PHIP: variants seen among roughly 807,000 people sequenced by gnomAD.
PHIP encodes PH-interacting protein.
Under a neutral mutation model 236.8 loss-of-function variants are expected in PHIP, and 54 were observed. The observed-to-expected ratio is 0.23, with a 90% CI of 0.18 to 0.29. The LOEUF is 0.29. PHIP is among the 10% of genes least tolerant of loss of function. The pLI, the probability that PHIP is intolerant of heterozygous loss-of-function variation, is 1.00. For missense variants in PHIP, 1,370 were observed against 2,190.8 expected (o/e 0.63, Z 7.48); for synonymous variants, 756 against 718.9 (o/e 1.05, Z -0.83).
chr6:78,941,366 T>G, intron 39 of PHIP, 36 bp from the exon 40 acceptor site: 1 of 1,525,700 alleles, frequency 6.6e-7, no homozygotes, highest in Non-Finnish European at 8.9e-7. Context: ...ATATATGGAG[T>G]TTCTTTTTTT....
chr6:79,029,954 T>C (rs1045038080), intron 7 of PHIP, among the ~76,000 whole-genome samples: 1 of 152,212 alleles, frequency 6.6e-6, no homozygotes, highest in Admixed American at 6.5e-5. Flanking sequence ...CGAATGTTAC[T>C]AAGATCAATA....
At position 78,971,658 on chromosome 6, in the gene PHIP, T is replaced by A. The variant is rs189976314; in HGVS notation, c.2890-770A>T. Among the ~76,000 whole-genome samples, 94 of 152,002 alleles carry A rather than the reference T, an allele frequency of 6.2e-4. 1 individual carries two copies. The South Asian group carries it at 7.9e-3, about 13-fold the overall frequency. On this transcript the variant is annotated intron_variant, in intron 24 of 39. Coordinates refer to ENST00000275034, the MANE Select transcript of PHIP (RefSeq NM_017934.7). ...GGGAGTGCCAGACAGTGGGCGCAGG[T>A]CAGTGGGTGCGCGCACCGTGTGCGA...
rs114610466 is a variant in PHIP at position 78,979,045 on chromosome 6, T to C, written c.2770-334A>G. On this transcript the variant is annotated intron_variant, in intron 23 of 39. Coordinates refer to ENST00000275034, the MANE Select transcript of PHIP (RefSeq NM_017934.7). ...AATAATCTAGAAATGACTTAAAGTA[T>C]ATAGGAGACTGTGTGTAGGTCACAT... Among the ~76,000 whole-genome samples the C allele has an allele frequency of 4.3e-3, 658 of 152,266 alleles. 2 individuals carry two copies. Among genetic ancestry groups the C allele is most frequent in the African/African-American group, 0.014 (597 of 41,564 alleles).
chr6:79,048,877 T>C (rs748596944), intron 6 of PHIP, among the ~76,000 whole-genome samples: 1 of 152,124 alleles, frequency 6.6e-6, no homozygotes, highest in Non-Finnish European at 1.5e-5. Context: ...TTCTAAAACC[T>C]GGAGAACCAA....
chr6:78,965,861 A>G, intron 28 of PHIP, 84 bp downstream of exon 28: 1 of 1,197,694 alleles, frequency 8.3e-7, no homozygotes, highest in Non-Finnish European at 1.2e-6. Flanking sequence ...TGTGTTTAAA[A>G]GAAGTCTCTT....
chr6:79,023,377 A>C (rs1392946993), intron 9 of PHIP, among the ~76,000 whole-genome samples: 1 of 152,174 alleles, frequency 6.6e-6, no homozygotes, highest in Non-Finnish European at 1.5e-5. Context: ...GGATTAGATA[A>C]GAATGAGCCA....
intron 30 of PHIP, among the ~76,000 whole-genome samples, chr6:78,962,276 T>C (rs1389701228): frequency 6.6e-6 from 1 of 152,126 alleles, no homozygotes; most frequent in East Asian, 1.9e-4. Context: ...ACCCAGAAGT[T>C]TTGATTCAGT....
At chr6:79,003,536 C>T (rs188569214) in intron 16 of PHIP, among the ~76,000 whole-genome samples, 194 bp downstream of exon 16, 210 of 151,894 alleles carry the variant, frequency 1.4e-3, no homozygotes, top group African/African-American at 4.8e-3. Flanking sequence ...AAATAATAAG[C>T]CCTATTAAAG....
Position 79,078,032 on chromosome 6 carries a change from A to G in PHIP, c.37T>C (p.Ser13Pro). 6.2e-7 allele frequency: 1 copy of G among 1,608,102 alleles called. No homozygotes were observed. The highest frequency in any genetic ancestry group is 8.5e-7 in the Non-Finnish European group (1 of 1,178,950). The change falls in exon 1 of 40, where the codon TCG becomes CCG. Residue 13 changes from serine (S) to proline (P), a missense_variant. Ser to Pro is a moderately conservative substitution (Grantham distance 74). Transcript: ENST00000275034. The part of the protein sequence containing the change: ...CERKGLSELR[S>P]ELYFLIARFL... ...CCCCGGCAGCCCCCCGACTTACCCG[A>G]TCGCAGCTCCGAGAGGCCTTTCCTC...
At chr6:78,955,392 T>C (rs1766345399) in intron 33 of PHIP, 110 bp from the exon 34 acceptor site, 3 of 779,640 alleles carry the variant, frequency 3.8e-6, no homozygotes, top group Admixed American at 5.9e-5. Flanking sequence ...CTGTAATGTA[T>C]ATGCTGGGGC....
intron 6 of PHIP, among the ~76,000 whole-genome samples, chr6:79,050,192 CA>C (rs2127765218): frequency 6.6e-6 from 1 of 151,952 alleles, no homozygotes; most frequent in South Asian, 2.1e-4. Flanking sequence ...CAATACATAA[CA>C]AGGAGAGGAA....
chr6:79,024,419 T>A (rs1184963962), intron 9 of PHIP, among the ~76,000 whole-genome samples: 1 of 152,198 alleles, frequency 6.6e-6, no homozygotes, highest in African/African-American at 2.4e-5. Flanking sequence ...TGAAATCAAC[T>A]GAATAATCAA....
chr6:79,076,915 A>G (rs1186774183), intron 4 of PHIP, among the ~76,000 whole-genome samples: 2 of 152,210 alleles, frequency 1.3e-5, no homozygotes, highest in Admixed American at 6.5e-5. Context: ...AACAAAATAA[A>G]CGACAGAGGG....
At chr6:78,941,805 A>T (rs1773515980) in intron 39 of PHIP, among the ~76,000 whole-genome samples, 1 of 152,182 alleles carries the variant, frequency 6.6e-6, no homozygotes, top group Non-Finnish European at 1.5e-5. Flanking sequence ...TATATATATC[A>T]ATCAAAATCA....
chr6:78,996,374 T>G (rs2127727600), intron 19 of PHIP, among the ~76,000 whole-genome samples: 1 of 152,224 alleles, frequency 6.6e-6, no homozygotes, highest in East Asian at 1.9e-4. Flanking sequence ...ATGGGTTTTA[T>G]TTCACGAAAT....
At chr6:78,978,570 T>A (rs1434637449) in intron 24 of PHIP, 22 bp downstream of exon 24, 23 of 1,548,540 alleles carry the variant, frequency 1.5e-5, no homozygotes. Flanking sequence ...GAAAAATGGA[T>A]AATTTAAAAC....
At position 78,982,988 on chromosome 6, in the gene PHIP, T is replaced by A. The variant is rs756471447; in HGVS notation, c.2667A>T (p.Lys889Asn). Residue 889 changes from lysine to asparagine, a missense_variant, in exon 23 of 40, where the codon AAA becomes AAT. By Grantham distance (94) the Lys-to-Asn change is moderately conservative. Transcript: ENST00000275034. ...SSSDEEEESE[K>N]QKQKQIKKEK... ...CCTTTTTAATCTGTTTTTGCTTCTG[T>A]TTTTCAGATTCTTCTTCTTCATCTG... is the stretch of plus-strand genomic sequence containing the variant. 6.0e-5 allele frequency: 96 copies of A among 1,609,488 alleles called. No homozygotes were observed. Among genetic ancestry groups the A allele is most frequent in the Admixed American group, 8.4e-5 (5 of 59,718 alleles).
At chr6:78,955,482 T>C (rs1562122819) in intron 33 of PHIP, 131 bp downstream of exon 33, 1 of 297,362 alleles carries the variant, frequency 3.4e-6, no homozygotes. Context: ...CTGCCAGTTG[T>C]TTTTTTTTTT....
chr6:78,940,640 T>C lies in PHIP; in HGVS notation c.*53A>G. 3 of 1,178,256 alleles carry C rather than the reference T, an allele frequency of 2.5e-6. No individual in the cohort carries two copies. The highest frequency in any genetic ancestry group is 6.3e-5 in the East Asian group (2 of 31,508). 73.0% of individuals were successfully genotyped at this position (1,178,256 alleles called of 1,614,324 possible). A position where few individuals can be genotyped will look rare whatever the true frequency, so the allele number is the denominator to read the frequency against. ...GAAGCAGAAGCCTTAGTTCTACTTA[T>C]TCCTTAACTGTACCTGCTTTATAGA... On this transcript the variant is annotated 3_prime_UTR_variant, in exon 40 of 40. Transcript: ENST00000275034.
Sources: gnomAD v4.1 joint callset for allele counts (sites outside exome capture counted in the v4.1 genomes callset) on GRCh38, gnomAD v4.1.1 for gene constraint, MANE v1.5 for transcripts, NCBI Gene and HGNC (gene_info 2026-07-23, HGNC 2026-07-21) for gene names.